The following TRHDE variants were observed in gnomAD, a reference collection of about 807,000 sequenced individuals.
TRHDE encodes the protein thyrotropin-releasing hormone-degrading ectoenzyme.
TRHDE carries 72 observed loss-of-function variants against 125.7 expected under a neutral mutation model. That is an observed-to-expected ratio of 0.57 (90% CI 0.47 to 0.70). The LOEUF (loss-of-function observed/expected upper bound fraction) is 0.70. Ranked by LOEUF, TRHDE falls within the 30% of genes least tolerant of loss-of-function variation. The probability of loss-of-function intolerance (pLI) is 0.00; values close to 1 mark genes in which losing one functional copy is unlikely to be tolerated. For missense variants in TRHDE, 1,110 were observed against 1,327.1 expected (o/e 0.84, Z 2.54); for synonymous variants, 509 against 509.1 (o/e 1.00, Z 0.00).
At chr12:72,238,756 G>T (rs984600747) in intron 2 of TRHDE, among the ~76,000 whole-genome samples, 7 of 152,118 alleles carry the variant, frequency 4.6e-5, no homozygotes, top group African/African-American at 1.7e-4. Context: ...GTATTCCATG[G>T]TGTATATGTG....
intron 1 of TRHDE, among the ~76,000 whole-genome samples, chr12:72,276,976 G>A (rs764425180): frequency 2.0e-5 from 3 of 152,296 alleles, no homozygotes; most frequent in South Asian, 2.1e-4. Flanking sequence ...GAGCGCACCC[G>A]TGTTCAAAGT....
At chr12:72,461,378 C>A (rs979872772) in intron 3 of TRHDE, among the ~76,000 whole-genome samples, 1 of 152,070 alleles carries the variant, frequency 6.6e-6, no homozygotes, top group African/African-American at 2.4e-5. Context: ...GAGTAAAAAT[C>A]TTGAGAATAT....
chr12:72,134,085 G>A (rs1875926245), intron 2 of TRHDE, among the ~76,000 whole-genome samples: 1 of 152,162 alleles, frequency 6.6e-6, no homozygotes, highest in Non-Finnish European at 1.5e-5. Context: ...GAACTGACAG[G>A]TTTTCTTAAT....
At chr12:72,363,919 A>G (rs1871231204) in intron 2 of TRHDE, among the ~76,000 whole-genome samples, 3 of 152,060 alleles carry the variant, frequency 2.0e-5, no homozygotes, top group Non-Finnish European at 4.4e-5. Flanking sequence ...CAACTTCAGC[A>G]AAGTCTCAGG....
chr12:72,488,905 T>A (rs1490905437), intron 5 of TRHDE, among the ~76,000 whole-genome samples: 1 of 151,498 alleles, frequency 6.6e-6, no homozygotes, highest in African/African-American at 2.4e-5. Flanking sequence ...GAACAACCAA[T>A]GGGGCAAAGA....
At chr12:72,416,921 T>C (rs1459691695) in intron 3 of TRHDE, among the ~76,000 whole-genome samples, 4 of 152,018 alleles carry the variant, frequency 2.6e-5, no homozygotes, top group Non-Finnish European at 2.9e-5. Context: ...GATATTTTGA[T>C]TGGAGTTGCA....
intron 7 of TRHDE, among the ~76,000 whole-genome samples, chr12:72,556,666 T>C (rs757797005): frequency 6.6e-6 from 1 of 152,218 alleles, no homozygotes; most frequent in Non-Finnish European, 1.5e-5. Context: ...TTTGCCTTCT[T>C]CCCAGATTCC....
At chr12:72,225,854 C>T (rs551876095) in intron 2 of TRHDE, among the ~76,000 whole-genome samples, 1 of 152,106 alleles carries the variant, frequency 6.6e-6, no homozygotes, top group Non-Finnish European at 1.5e-5. Context: ...GAAGGTTTGA[C>T]CTTTCAGGAA....
chr12:72,640,031 C>G (rs1402246827), intron 15 of TRHDE, among the ~76,000 whole-genome samples: 1 of 152,180 alleles, frequency 6.6e-6, no homozygotes, highest in African/African-American at 2.4e-5. Context: ...GTGGGCTCCA[C>G]CCAGTTCCAG....
chr12:72,527,938 TAATA>T (rs941814126), intron 6 of TRHDE, among the ~76,000 whole-genome samples: 28 of 152,166 alleles, frequency 1.8e-4, no homozygotes, highest in African/African-American at 6.3e-4. Flanking sequence ...ATATGTGGCA[TAATA>T]AATAACTTTT....
chr12:72,426,940 C>A (rs904438327), intron 3 of TRHDE, among the ~76,000 whole-genome samples: 3 of 152,094 alleles, frequency 2.0e-5, no homozygotes, highest in Non-Finnish European at 4.4e-5. Flanking sequence ...ATCATTCTTA[C>A]TTTAGTGGCC....
intron 2 of TRHDE, among the ~76,000 whole-genome samples, chr12:72,251,008 A>G (rs969820411): frequency 5.9e-5 from 9 of 151,826 alleles, no homozygotes; most frequent in African/African-American, 1.7e-4. Flanking sequence ...ACAAGAAATA[A>G]TACAGAAAGA....
intron 6 of TRHDE, among the ~76,000 whole-genome samples, chr12:72,500,810 A>T (rs1052404299): frequency 1.3e-5 from 2 of 151,600 alleles, no homozygotes; most frequent in African/African-American, 4.8e-5. Context: ...ACACACAAAA[A>T]ATATTTTGGT....
intron 2 of TRHDE, among the ~76,000 whole-genome samples, chr12:72,364,069 G>A (rs1485199727): frequency 2.0e-5 from 3 of 152,092 alleles, no homozygotes; most frequent in African/African-American, 4.8e-5. Flanking sequence ...TACAAGGGAC[G>A]TGAAGGACCT....
chr12:72,564,355 C>G (rs1870330003), intron 9 of TRHDE, among the ~76,000 whole-genome samples: 1 of 152,130 alleles, frequency 6.6e-6, no homozygotes, highest in Admixed American at 6.5e-5. Context: ...CAACTCTGGC[C>G]TTGCCAGGAA....
At chr12:72,300,755 TGTA>T (rs1185409661) in intron 2 of TRHDE, among the ~76,000 whole-genome samples, 2 of 152,006 alleles carry the variant, frequency 1.3e-5, no homozygotes, top group Non-Finnish European at 2.9e-5. Context: ...TCCTTGCAGT[TGTA>T]GTCACTCAGT....
chr12:72,476,584 A>G (rs1024734045), intron 5 of TRHDE, among the ~76,000 whole-genome samples: 5 of 152,204 alleles, frequency 3.3e-5, no homozygotes, highest in African/African-American at 1.2e-4. Flanking sequence ...TGAGCCTGTA[A>G]TAGAAAAACC....
chr12:72,202,276 G>T (rs187811463), intron 2 of TRHDE, among the ~76,000 whole-genome samples: 2 of 152,284 alleles, frequency 1.3e-5, no homozygotes, highest in Non-Finnish European at 2.9e-5. Flanking sequence ...CTTGACAGGA[G>T]ATCTGAGGAA....
intron 2 of TRHDE, among the ~76,000 whole-genome samples, chr12:72,298,107 G>A (rs775515943): frequency 1.3e-5 from 2 of 152,152 alleles, no homozygotes; most frequent in Non-Finnish European, 2.9e-5. Context: ...TGAGGTTTAA[G>A]AGTCTACATA....
Sources: allele counts gnomAD v4.1 joint callset (sites outside exome capture counted in the v4.1 genomes callset), GRCh38; gene constraint gnomAD v4.1.1; transcripts MANE v1.5; gene names NCBI Gene and HGNC (gene_info 2026-07-23, HGNC 2026-07-21).